The following DDN variants were observed in gnomAD, a reference collection of about 807,000 sequenced individuals.
DDN encodes the protein dendrin.
Under a neutral mutation model 7.3 loss-of-function variants are expected in DDN, and 4 were observed. That is an observed-to-expected ratio of 0.55 (90% CI 0.27 to 1.25). The LOEUF is 1.25. Among genes scored for constraint, DDN ranks in the 50% most tolerant of loss-of-function variants. The pLI, the probability that DDN is intolerant of heterozygous loss-of-function variation, is 0.12. For missense variants in DDN, 933 were observed against 974.7 expected, an observed-to-expected ratio of 0.96 and a Z score of 0.57; for synonymous variants, 425 against 424.3, an observed-to-expected ratio of 1.00 and a Z score of -0.02.
chr12:48,998,360 C>A lies in DDN; in HGVS notation c.516G>T (p.Gly172=). ...PLRPERLAPV[G]RAPRPSAQPQ... Reference sequence around the variant, plus strand: ...GCTGCGCGGATGGACGGGGCGCTCGCCCCACAGGCGCCAGGCGCTCCGGCC... The same window carrying A: ...GCTGCGCGGATGGACGGGGCGCTCGACCCACAGGCGCCAGGCGCTCCGGCC... The change falls in exon 2 of 2, where the codon GGG becomes GGT. Residue 172 remains glycine, a synonymous_variant. Coordinates refer to ENST00000421952, the MANE Select transcript of DDN (RefSeq NM_015086.2). The A allele has an allele frequency of 6.6e-7, 1 of 1,505,398 alleles. No individual in the cohort carries two copies. Among genetic ancestry groups the A allele is most frequent in the Non-Finnish European group, 8.8e-7 (1 of 1,134,876 alleles). The allele number at this position is 1,505,398 out of a possible 1,614,324, so 93.3% of individuals were successfully genotyped here.
At position 48,997,393 on chromosome 12, in the gene DDN, G is replaced by A; in HGVS notation, c.1483C>T (p.Pro495Ser). Residue 495 changes from proline (P) to serine (S), a missense_variant, in exon 2 of 2, where the codon CCC becomes TCC. Transcript: ENST00000421952. ...GCCCCTTCACCCTCCTCCTTGCCGG[G>A]CTTCGATTGGCTGGGGGAATCCCCC... is the stretch of plus-strand genomic sequence containing the variant. ...VVGDSPSQSK[P>S]GKEEGEGATV... is the part of the protein sequence containing the mutation. 1 of 1,613,998 alleles carries A rather than the reference G, an allele frequency of 6.2e-7. No individual in the cohort carries two copies. The highest frequency in any genetic ancestry group is 8.5e-7 in the Non-Finnish European group (1 of 1,179,990).
intron 1 of DDN, 107 bp from the exon 2 acceptor site, chr12:48,998,773 T>C: frequency 7.8e-7 from 1 of 1,287,404 alleles, no homozygotes; most frequent in Non-Finnish European, 1.0e-6. Context: ...TGTGAAGGGG[T>C]GTGTGTGAGT....
chr12:48,995,810 G>C lies in DDN; in HGVS notation c.*930C>G, dbSNP rs1021334384. On this transcript the variant is annotated 3_prime_UTR_variant, in exon 2 of 2. Transcript: ENST00000421952. ...GAGGAAAAGGGGAAGGCCTAAAGAG[G>C]TCCCAAGCTGATTCATTGGTGTCCT... 3.9e-5 allele frequency: 6 copies of C among 152,752 alleles called. No homozygotes were observed. The highest frequency in any genetic ancestry group is 1.2e-4 in the African/African-American group (5 of 41,440). 9.5% of individuals were successfully genotyped at this position (152,752 alleles called of 1,614,324 possible).
In DDN at chr12:48,998,435, G is replaced by A; in HGVS notation, c.441C>T (p.Pro147=). ...GCTGGGCCACCCGAGGGGCGTTGCGGGGCTCCGGGCGGGGTCGACCCGGGG... is the reference window on the plus strand; with the variant it reads ...GCTGGGCCACCCGAGGGGCGTTGCGAGGCTCCGGGCGGGGTCGACCCGGGG... ...RSPPGRPRPE[P]RNAPRVAQLA... is the part of the protein sequence containing the mutation. Residue 147 remains proline (P), a synonymous_variant, in exon 2 of 2, where the codon CCC becomes CCT. Coordinates refer to ENST00000421952, the MANE Select transcript of DDN (RefSeq NM_015086.2). The A allele has an allele frequency of 6.6e-7, 1 of 1,520,040 alleles. No homozygotes were observed. The allele number at this position is 1,520,040 out of a possible 1,614,324, so 94.2% of individuals were successfully genotyped here.
chr12:48,997,728 G>A lies in DDN; in HGVS notation c.1148C>T (p.Pro383Leu), dbSNP rs1381949202. The A allele has an allele frequency of 2.5e-6, 4 of 1,588,566 alleles. No homozygotes were observed. In the South Asian group the frequency reaches 4.5e-5, roughly 18 times the overall value. ...EGKEGEQIWFPKCWIPSPKKQ... is the reference protein window; with the variant it reads ...EGKEGEQIWFLKCWIPSPKKQ... Reference sequence around the variant, plus strand: ...TTTAGGGGAGGGAATCCAGCATTTGGGAAACCAGATCTGTTCTCCTTCTTT... The same window carrying A: ...TTTAGGGGAGGGAATCCAGCATTTGAGAAACCAGATCTGTTCTCCTTCTTT... The change falls in exon 2 of 2, where the codon CCC becomes CTC. Residue 383 changes from proline to leucine, a missense_variant. Coordinates refer to ENST00000421952, the MANE Select transcript of DDN (RefSeq NM_015086.2).
In DDN at chr12:48,997,948, C is replaced by G. The variant is rs764633990; in HGVS notation, c.928G>C (p.Gly310Arg). The change falls in exon 2 of 2, where the codon GGC becomes CGC. Residue 310 changes from glycine to arginine, a missense_variant. Transcript: ENST00000421952. ...AGGCTTTTCTCCACGACCCCCTTGC[C>G]GGGCTCTGGCCTTGCTCTGGCCGCT... ...CGAARARPEP[G>R]KGVVEKSLGL... is the part of the protein sequence containing the mutation. The G allele has an allele frequency of 6.2e-7, 1 of 1,613,024 alleles. No individual in the cohort carries two copies. The highest frequency in any genetic ancestry group is 1.7e-5 in the Admixed American group (1 of 60,032).
At position 48,997,628 on chromosome 12, in the gene DDN, C is replaced by T. The variant is rs746758043; in HGVS notation, c.1248G>A (p.Leu416=). The part of the protein sequence containing the change: ...APGGTGWRES[L]GLGEGAGPET... ...CCGGTCCTGCCCCCTCTCCAAGACC[C>T]AGAGATTCTCTCCATCCGGTGCCTC... The change falls in exon 2 of 2, where the codon CTG becomes CTA. Residue 416 remains leucine, a synonymous_variant. Transcript: ENST00000421952. 114 of 1,550,122 alleles carry T rather than the reference C, an allele frequency of 7.4e-5. No homozygotes were observed. The highest frequency in any genetic ancestry group is 9.4e-5 in the Non-Finnish European group (108 of 1,147,326).
rs762299549 is a variant in DDN, at chr12:48,997,118, C to A, written c.1758G>T (p.Gly586=). The A allele has an allele frequency of 2.0e-6, 3 of 1,526,026 alleles. No individual in the cohort carries two copies. The highest frequency in any genetic ancestry group is 1.4e-5 in the African/African-American group (1 of 71,838). 94.5% of individuals were successfully genotyped at this position (1,526,026 alleles called of 1,614,324 possible). The change falls in exon 2 of 2, where the codon GGG becomes GGT. Residue 586 remains glycine (G), a synonymous_variant. Transcript: ENST00000421952. ...GCCGCTGGACCACCGCCACTTCCGA[C>A]CCCTCGGCTCTGCCCTGGGCTCCCG... The part of the protein sequence containing the change: ...AASGAQGRAE[G]SEVAVVQRRA...
chr12:48,997,923 A>T lies in DDN; in HGVS notation c.953T>A (p.Leu318Gln). 1 of 1,612,684 alleles carries T rather than the reference A, an allele frequency of 6.2e-7. No homozygotes were observed. Among genetic ancestry groups the T allele is most frequent in the South Asian group, 1.1e-5 (1 of 91,070 alleles). ...GTTCAGGTCAGCAGCAGCCAGCCCC[A>T]GGCTTTTCTCCACGACCCCCTTGCC... is the stretch of plus-strand genomic sequence containing the variant. The part of the protein sequence containing the change: ...EPGKGVVEKS[L>Q]GLAAADLNSG... Residue 318 changes from leucine (L) to glutamine (Q), a missense_variant, in exon 2 of 2, where the codon CTG becomes CAG. Coordinates refer to ENST00000421952, the MANE Select transcript of DDN (RefSeq NM_015086.2).
chr12:48,998,232 G>T lies in DDN; in HGVS notation c.644C>A (p.Thr215Asn), dbSNP rs752575683. ...AHLLLRGSAG[T>N]APRRRWDRPP... Reference sequence around the variant, plus strand: ...CCGGTCCCAGCGGCGTCGTGGGGCGGTCCCGGCAGAACCTCTCAGCAGCAG... The same window carrying T: ...CCGGTCCCAGCGGCGTCGTGGGGCGTTCCCGGCAGAACCTCTCAGCAGCAG... The change falls in exon 2 of 2, where the codon ACC (threonine) becomes AAC (asparagine). Residue 215 changes from threonine (T) to asparagine (N), a missense_variant. Coordinates refer to ENST00000421952, the MANE Select transcript of DDN (RefSeq NM_015086.2). 5.6e-6 allele frequency: 9 copies of T among 1,612,444 alleles called. No homozygotes were observed. The Admixed American group carries it at 6.7e-5, about 12-fold the overall frequency.
Position 48,997,772 on chromosome 12 carries a change from G to T in DDN, c.1104C>A (p.Leu368=). 1 of 1,611,372 alleles carries T rather than the reference G, an allele frequency of 6.2e-7. No homozygotes were observed. The highest frequency in any genetic ancestry group is 8.5e-7 in the Non-Finnish European group (1 of 1,178,070). Residue 368 remains leucine (L), a synonymous_variant, in exon 2 of 2, where the codon CTC becomes CTA. Coordinates refer to ENST00000421952, the MANE Select transcript of DDN (RefSeq NM_015086.2). ...CTTCTTTCCCTTCCCTCGAGCCCTT[G>T]AGGTGGTGCCTGGATCTGGGAGCGG... The part of the protein sequence containing the change: ...PHPAPRSRHH[L]KGSREGKEGE...
chr12:48,995,176 C>T lies in DDN; in HGVS notation c.*1564G>A, dbSNP rs1941186150. 1 of 152,338 alleles carries T rather than the reference C, an allele frequency of 6.6e-6. No homozygotes were observed. Among genetic ancestry groups the T allele is most frequent in the Admixed American group, 6.5e-5 (1 of 15,274 alleles). 9.4% of individuals were successfully genotyped at this position (152,338 alleles called of 1,614,324 possible). A position where few individuals can be genotyped will look rare whatever the true frequency, so the allele number is the denominator to read the frequency against. On this transcript the variant is annotated 3_prime_UTR_variant, in exon 2 of 2. Transcript: ENST00000421952. Reference sequence around the variant, plus strand: ...AAGGGAAGCTTAGATTTATTGAGCGCCTACTGTGTGCCAGGCAGTGTGCAA... The same window carrying T: ...AAGGGAAGCTTAGATTTATTGAGCGTCTACTGTGTGCCAGGCAGTGTGCAA...
chr12:48,998,470 G>C lies in DDN; in HGVS notation c.406C>G (p.Arg136Gly), dbSNP rs781749834. 2 of 1,564,986 alleles carry C rather than the reference G, an allele frequency of 1.3e-6. No individual in the cohort carries two copies. Among genetic ancestry groups the C allele is most frequent in the Admixed American group, 3.5e-5 (2 of 56,706 alleles). ...CGGGGTCGACCCGGGGGGCTCCGTC[G>C]GGCCCCACCAGCCTTGCGCCTTTTT... ...ERKRRKAGGARRSPPGRPRPE... is the reference protein window; with the variant it reads ...ERKRRKAGGAGRSPPGRPRPE... The change falls in exon 2 of 2, where the codon CGA (arginine) becomes GGA (glycine). Residue 136 changes from arginine to glycine, a missense_variant. Coordinates refer to ENST00000421952, the MANE Select transcript of DDN (RefSeq NM_015086.2).
rs1275892641 is a variant in DDN, at chr12:48,998,422, G to A, written c.454C>T (p.Arg152Trp). ...RPRPEPRNAPRVAQLAGLPAP... is the reference protein window; with the variant it reads ...RPRPEPRNAPWVAQLAGLPAP... Reference sequence around the variant, plus strand: ...GGGAGCCCTGCCAGCTGGGCCACCCGAGGGGCGTTGCGGGGCTCCGGGCGG... The same window carrying A: ...GGGAGCCCTGCCAGCTGGGCCACCCAAGGGGCGTTGCGGGGCTCCGGGCGG... Residue 152 changes from arginine to tryptophan, a missense_variant, in exon 2 of 2, where the codon CGG (arginine) becomes TGG (tryptophan). Physicochemically the swap from Arg to Trp is moderately radical, Grantham distance 101. Transcript: ENST00000421952. The A allele has an allele frequency of 2.0e-6, 3 of 1,513,912 alleles. No homozygotes were observed. Among genetic ancestry groups the A allele is most frequent in the Admixed American group, 4.2e-5 (2 of 47,098 alleles). 93.8% of individuals were successfully genotyped at this position (1,513,912 alleles called of 1,614,324 possible). A position where few individuals can be genotyped will look rare whatever the true frequency, so the allele number is the denominator to read the frequency against.
Position 48,998,058 on chromosome 12 carries a change from A to G in DDN, c.818T>C (p.Leu273Pro). The G allele has an allele frequency of 6.2e-7, 1 of 1,613,968 alleles. No individual in the cohort carries two copies. The highest frequency in any genetic ancestry group is 8.5e-7 in the Non-Finnish European group (1 of 1,180,034). ...RTDGGRTKKR[L>P]DPRIYRDVLG... ...GACGTCCCGGTAGATCCGAGGATCC[A>G]GCCTCTTCTTTGTGCGCCCTCCGTC... Residue 273 changes from leucine to proline, a missense_variant, in exon 2 of 2, where the codon CTG (leucine) becomes CCG (proline). Leu to Pro is a moderately conservative substitution (Grantham distance 98, BLOSUM62 -3). Transcript: ENST00000421952.
In DDN at chr12:48,998,695, G is replaced by A; in HGVS notation, c.210-29C>T. The A allele has an allele frequency of 2.0e-6, 3 of 1,466,084 alleles. No homozygotes were observed. In the African/African-American group the frequency reaches 4.3e-5, roughly 21 times the overall value. 90.8% of individuals were successfully genotyped at this position (1,466,084 alleles called of 1,614,324 possible). ...GGACAATGAGCAGGAACCCAGGTGAGCAGTTTGTGGGGGAAGGGAGCCGAG... is the reference window on the plus strand; with the variant it reads ...GGACAATGAGCAGGAACCCAGGTGAACAGTTTGTGGGGGAAGGGAGCCGAG... On this transcript the variant is annotated intron_variant, in intron 1 of 1. Coordinates refer to ENST00000421952, the MANE Select transcript of DDN (RefSeq NM_015086.2).
Position 48,997,071 on chromosome 12 carries a change from C to T in DDN, c.1805G>A (p.Arg602Gln). The change falls in exon 2 of 2, where the codon CGG (arginine) becomes CAG (glutamine). Residue 602 changes from arginine to glutamine, a missense_variant. Transcript: ENST00000421952. The part of the protein sequence containing the change: ...VQRRAGRGWA[R>Q]TPGPYAGALR... Reference sequence around the variant, plus strand: ...GGCCCCGGCGTAGGGCCCTGGGGTCCGCGCCCAGCCCCGGCCGGCGCGCCG... The same window carrying T: ...GGCCCCGGCGTAGGGCCCTGGGGTCTGCGCCCAGCCCCGGCCGGCGCGCCG... 1 of 1,525,906 alleles carries T rather than the reference C, an allele frequency of 6.6e-7. No homozygotes were observed. The highest frequency in any genetic ancestry group is 1.4e-5 in the African/African-American group (1 of 71,982). 94.5% of individuals were successfully genotyped at this position (1,525,906 alleles called of 1,614,324 possible). A position where few individuals can be genotyped will look rare whatever the true frequency, so the allele number is the denominator to read the frequency against.
chr12:48,996,733 G>C lies in DDN; in HGVS notation c.*7C>G. 6.2e-7 allele frequency: 1 copy of C among 1,609,826 alleles called. No homozygotes were observed. Among genetic ancestry groups the C allele is most frequent in the Non-Finnish European group, 8.5e-7 (1 of 1,176,570 alleles). ...GCGTTGGGGACACAAATACAAGAAGGGGCCTCTCACTGCCTCTTCCTATTT... is the reference window on the plus strand; with the variant it reads ...GCGTTGGGGACACAAATACAAGAAGCGGCCTCTCACTGCCTCTTCCTATTT... On this transcript the variant is annotated 3_prime_UTR_variant, in exon 2 of 2. Coordinates refer to ENST00000421952, the MANE Select transcript of DDN (RefSeq NM_015086.2).
rs147166738 is a variant in DDN, at chr12:48,999,079, G to C, written c.209C>G (p.Thr70Arg). 2 of 1,613,798 alleles carry C rather than the reference G, an allele frequency of 1.2e-6. No homozygotes were observed. Among genetic ancestry groups the C allele is most frequent in the Non-Finnish European group, 1.7e-6 (2 of 1,179,868 alleles). ...SHWARGFQNR[T>R]CGPRPGSPQP... is the part of the protein sequence containing the mutation. ...TTCCCCTCACCCCTGCTTCACTCAC[G>C]TGCGGTTCTGGAACCCGCGAGCCCA... The change falls in exon 1 of 2, where the codon ACG becomes AGG. Residue 70 changes from threonine to arginine, a missense_variant and splice_region_variant. Thr to Arg is a moderately conservative substitution (Grantham distance 71, BLOSUM62 -1). Transcript: ENST00000421952.
Sources: gnomAD v4.1 joint callset for allele counts on GRCh38, gnomAD v4.1.1 for gene constraint, MANE v1.5 for transcripts, NCBI Gene and HGNC (gene_info 2026-07-23, HGNC 2026-07-21) for gene names.